PLEKHA7: variants seen among roughly 807,000 people sequenced by gnomAD.
PLEKHA7 encodes pleckstrin homology domain containing A7, also known as pleckstrin homology domain-containing family A member 7.
Under a neutral mutation model 170.0 loss-of-function variants are expected in PLEKHA7, and 104 were observed. The observed-to-expected ratio is 0.61, with a 90% CI of 0.52 to 0.72. The LOEUF is 0.72. Ranked by LOEUF, PLEKHA7 falls within the 30% of genes least tolerant of loss-of-function variation. The pLI, the probability that PLEKHA7 is intolerant of heterozygous loss-of-function variation, is 0.00. For synonymous variants in PLEKHA7, 648 were observed against 660.8 expected, an observed-to-expected ratio of 0.98 and a Z score of 0.30; for missense variants, 1,615 against 1,671.7, an observed-to-expected ratio of 0.97 and a Z score of 0.59.
rs80238417 is a variant in PLEKHA7 at position 16,811,229 on chromosome 11, T to C, written c.2007+1884A>G. Reference sequence around the variant, plus strand: ...ACAGGAACCAGAAGGCAGCTATTTCTCACTGCTCTTGCTCAGGTGCATTTA... The same window carrying C: ...ACAGGAACCAGAAGGCAGCTATTTCCCACTGCTCTTGCTCAGGTGCATTTA... On this transcript the variant is annotated intron_variant, in intron 13 of 26. Coordinates refer to ENST00000531066, the MANE Select transcript of PLEKHA7 (RefSeq NM_001329630.2). Among the ~76,000 whole-genome samples, 975 of 152,336 alleles carry C rather than the reference T, an allele frequency of 6.4e-3. 8 individuals are homozygous for C. The highest frequency in any genetic ancestry group is 0.022 in the African/African-American group (930 of 41,576).
At chr11:16,899,045 T>C (rs1857163484) in intron 3 of PLEKHA7, among the ~76,000 whole-genome samples, 1 of 152,212 alleles carries the variant, frequency 6.6e-6, no homozygotes, top group African/African-American at 2.4e-5. Context: ...CAAGATCTCA[T>C]AGGGTTTTTT....
chr11:16,959,671 G>A (rs1214330855), intron 3 of PLEKHA7, among the ~76,000 whole-genome samples: 1 of 152,158 alleles, frequency 6.6e-6, no homozygotes, highest in Non-Finnish European at 1.5e-5. Flanking sequence ...AAACCACAGT[G>A]GTATTGAAAC....
intron 3 of PLEKHA7, among the ~76,000 whole-genome samples, chr11:16,990,734 G>C (rs898282137): frequency 2.6e-5 from 4 of 152,242 alleles, no homozygotes; most frequent in Non-Finnish European, 5.9e-5. Flanking sequence ...CACTGTGGCT[G>C]TGTACCACAC....
At chr11:16,946,375 G>A (rs971063418) in intron 3 of PLEKHA7, among the ~76,000 whole-genome samples, 2 of 152,120 alleles carry the variant, frequency 1.3e-5, no homozygotes, top group Non-Finnish European at 2.9e-5. Flanking sequence ...CTCCCCGAAC[G>A]AACGTGTGAA....
At chr11:16,958,586 G>T (rs1367835316) in intron 3 of PLEKHA7, among the ~76,000 whole-genome samples, 1 of 152,084 alleles carries the variant, frequency 6.6e-6, no homozygotes, top group Non-Finnish European at 1.5e-5. Context: ...CTTTTCCTCT[G>T]TATTTCCCAA....
intron 3 of PLEKHA7, among the ~76,000 whole-genome samples, chr11:16,942,039 C>T (rs1382029729): frequency 1.3e-5 from 2 of 152,216 alleles, no homozygotes; most frequent in African/African-American, 2.4e-5. Flanking sequence ...TGTTTACTCA[C>T]GCGTAAGTTC....
intron 16 of PLEKHA7, 69 bp downstream of exon 16, chr11:16,801,599 G>T: frequency 1.9e-6 from 3 of 1,580,386 alleles, no homozygotes; most frequent in South Asian, 2.2e-5. Flanking sequence ...ACTACATCTT[G>T]GGAGGGGAGA....
intron 3 of PLEKHA7, among the ~76,000 whole-genome samples, chr11:16,891,401 C>T (rs1451264118): frequency 6.6e-6 from 1 of 152,114 alleles, no homozygotes; most frequent in Non-Finnish European, 1.5e-5. Flanking sequence ...TGGCAGCCAT[C>T]AGAAGCAAAG....
At chr11:16,823,988 G>A (rs962762879) in intron 10 of PLEKHA7, among the ~76,000 whole-genome samples, 3 of 152,194 alleles carry the variant, frequency 2.0e-5, no homozygotes, top group Admixed American at 1.3e-4. Context: ...ATTATGTTAA[G>A]TGAAATATGC....
In PLEKHA7 at chr11:16,817,393, A is replaced by G. The variant is rs772780603; in HGVS notation, c.1344-71T>C. The G allele has an allele frequency of 1.4e-6, 2 of 1,447,204 alleles. No individual in the cohort carries two copies. The highest frequency in any genetic ancestry group is 2.1e-5 in the Admixed American group (1 of 47,450). 89.6% of individuals were successfully genotyped at this position (1,447,204 alleles called of 1,614,324 possible). A position where few individuals can be genotyped will look rare whatever the true frequency, so the allele number is the denominator to read the frequency against. On this transcript the variant is annotated intron_variant, in intron 10 of 26. Coordinates refer to ENST00000531066, the MANE Select transcript of PLEKHA7 (RefSeq NM_001329630.2). The surrounding 1 kb of genome is among the most constrained non-coding windows in gnomAD (Gnocchi z 4.4). The stretch of plus-strand genomic sequence containing the variant: ...CTGCAGGCTTTGGGGAACATATCTA[A>G]GTAAACCCACAAAGCTGGGCATGTG...
At chr11:16,911,411 C>T (rs1174235829) in intron 3 of PLEKHA7, among the ~76,000 whole-genome samples, 1 of 152,180 alleles carries the variant, frequency 6.6e-6, no homozygotes, top group East Asian at 1.9e-4. Flanking sequence ...AAGCTCCAAC[C>T]ACAAACACCC....
At chr11:16,888,069 G>A (rs428120) in intron 3 of PLEKHA7, among the ~76,000 whole-genome samples, 68,813 of 149,372 alleles carry the variant, frequency 0.46, 16,301 homozygotes, top group Non-Finnish European at 0.54. Context: ...GGTGAGGAGC[G>A]TCTCTGCCCG....
intron 9 of PLEKHA7, among the ~76,000 whole-genome samples, chr11:16,830,708 A>G (rs1000454965): frequency 4.6e-5 from 7 of 152,178 alleles, no homozygotes; most frequent in Non-Finnish European, 2.9e-5. Context: ...TTTACCAAGC[A>G]CCTATACAGC....
intron 3 of PLEKHA7, among the ~76,000 whole-genome samples, chr11:16,932,815 A>T (rs1860037639): frequency 6.6e-6 from 1 of 152,226 alleles, no homozygotes; most frequent in Admixed American, 6.5e-5. Context: ...GCTAAGACCC[A>T]GGGGAAGAGC....
At chr11:17,002,467 C>T (rs1055794045) in intron 3 of PLEKHA7, among the ~76,000 whole-genome samples, 1 of 151,806 alleles carries the variant, frequency 6.6e-6, no homozygotes, top group South Asian at 2.1e-4. Context: ...CCATGTACCA[C>T]GTAGAAACTG....
chr11:16,910,368 T>G (rs1473543896), intron 3 of PLEKHA7, among the ~76,000 whole-genome samples: 1 of 152,244 alleles, frequency 6.6e-6, no homozygotes, highest in Non-Finnish European at 1.5e-5. Flanking sequence ...CTTTCCAAGC[T>G]TATTTATGCC....
chr11:16,828,692 A>T (rs1380995207), intron 9 of PLEKHA7, among the ~76,000 whole-genome samples: 2 of 152,126 alleles, frequency 1.3e-5, no homozygotes, highest in Non-Finnish European at 2.9e-5. Flanking sequence ...ACAGCATTTC[A>T]ATTTTCATTT....
At chr11:16,823,161 A>G (rs2134872216) in intron 10 of PLEKHA7, among the ~76,000 whole-genome samples, 1 of 152,174 alleles carries the variant, frequency 6.6e-6, no homozygotes, top group African/African-American at 2.4e-5. Flanking sequence ...CATCCAGATA[A>G]TTTAAAAAAC....
chr11:16,895,216 A>T (rs1002879649), intron 3 of PLEKHA7, among the ~76,000 whole-genome samples: 17 of 152,172 alleles, frequency 1.1e-4, no homozygotes, highest in Admixed American at 2.6e-4. Flanking sequence ...TCTGAAAATA[A>T]ATCACTGGCC....
Sources: allele counts gnomAD v4.1 joint callset (sites outside exome capture counted in the v4.1 genomes callset), GRCh38; gene constraint gnomAD v4.1.1; non-coding constraint Gnocchi (gnomAD v3.1); transcripts MANE v1.5; gene names NCBI Gene and HGNC (gene_info 2026-07-23, HGNC 2026-07-21).